Variants in MYO1B observed in about 807,000 individuals in gnomAD.
MYO1B encodes myosin IB.
In MYO1B, 72 loss-of-function variants were observed where a neutral mutation model predicts 159.7. That is an observed-to-expected ratio of 0.45 (90% CI 0.37 to 0.55). The LOEUF (loss-of-function observed/expected upper bound fraction) is 0.55, where lower values mean the gene tolerates loss of function less well. Among genes scored for constraint, MYO1B ranks in the 20% least tolerant of loss-of-function variants. The pLI is 0.00. For synonymous variants in MYO1B, 468 were observed against 473.8 expected, an observed-to-expected ratio of 0.99 and a Z score of 0.16; for missense variants, 1,062 against 1,364.8, an observed-to-expected ratio of 0.78 and a Z score of 3.50.
At chr2:191,383,134 C>A in intron 14 of MYO1B, 146 bp from the exon 15 acceptor site, 1 of 478,320 alleles carries the variant, frequency 2.1e-6, no homozygotes, top group Non-Finnish European at 3.7e-6. Context: ...TGGGAACTGC[C>A]TGTGACATTT....
Position 191,409,031 on chromosome 2 carries a change from C to A in MYO1B, c.2632-13C>A. 6.3e-7 allele frequency: 1 copy of A among 1,595,752 alleles called. No homozygotes were observed. The highest frequency in any genetic ancestry group is 1.2e-5 in the South Asian group (1 of 86,804). ...ATTTTCCTCATGTAGTATTTTCTGTCAACCCAACACAGGTGCAAAAATACT... is the reference window on the plus strand; with the variant it reads ...ATTTTCCTCATGTAGTATTTTCTGTAAACCCAACACAGGTGCAAAAATACT... On this transcript the variant is annotated splice_polypyrimidine_tract_variant and intron_variant, in intron 25 of 30. Coordinates refer to ENST00000392318, the MANE Select transcript of MYO1B (RefSeq NM_001130158.3).
intron 15 of MYO1B, among the ~76,000 whole-genome samples, chr2:191,383,885 C>T (rs184619705): frequency 4.6e-4 from 70 of 151,956 alleles, no homozygotes; most frequent in African/African-American, 1.5e-3. Flanking sequence ...TACTATTCAC[C>T]GGGTATTATA....
chr2:191,400,386 G>C lies in MYO1B; in HGVS notation c.2300G>C (p.Arg767Pro). ...IQSYIRGWKA[R>P]KILRELKHQK... ...TTGGGTGATTCTGCCCTTTAGGCTC[G>C]AAAAATTCTGCGGGAACTGAAGCAT... is the stretch of plus-strand genomic sequence containing the variant. Residue 767 changes from arginine to proline, a missense_variant, in exon 22 of 31, where the codon CGA (arginine) becomes CCA (proline). Physicochemically the swap from Arg to Pro is moderately radical, Grantham distance 103. Around this residue, in one of 5 missense-constraint regions of MYO1B, gnomAD observed 609 missense variants for 744.4 expected, o/e 0.82. Coordinates refer to ENST00000392318, the MANE Select transcript of MYO1B (RefSeq NM_001130158.3). The C allele has an allele frequency of 1.2e-6, 2 of 1,613,760 alleles. No homozygotes were observed. The highest frequency in any genetic ancestry group is 1.7e-6 in the Non-Finnish European group (2 of 1,179,978).
chr2:191,341,648 G>A, intron 5 of MYO1B, 83 bp downstream of exon 5: 1 of 1,071,912 alleles, frequency 9.3e-7, no homozygotes, highest in Non-Finnish European at 1.4e-6. Context: ...CTGGTCTGCT[G>A]GGAGGTATTC....
In MYO1B at chr2:191,408,119, G is replaced by A. The variant is rs766808258; in HGVS notation, c.2561G>A (p.Arg854His). 1.9e-6 allele frequency: 3 copies of A among 1,610,382 alleles called. No homozygotes were observed. Among genetic ancestry groups the A allele is most frequent in the Admixed American group, 3.3e-5 (2 of 60,000 alleles). Residue 854 changes from arginine (R) to histidine (H), a missense_variant, in exon 25 of 31, where the codon CGT becomes CAT. By Grantham distance (29) the Arg-to-His change is conservative. Around this residue, in one of 5 missense-constraint regions of MYO1B, gnomAD observed 609 missense variants for 744.4 expected, o/e 0.82. Coordinates refer to ENST00000392318, the MANE Select transcript of MYO1B (RefSeq NM_001130158.3). ...ACCTACATCTTCTTTTTAAAGGTAC[G>A]TAGAGAATACAGGAAATTCTTCAGA... ...IWAYWLGLKV[R>H]REYRKFFRAN...
intron 13 of MYO1B, among the ~76,000 whole-genome samples, chr2:191,377,098 C>G (rs186004235): frequency 2.0e-3 from 309 of 152,180 alleles, no homozygotes; most frequent in South Asian, 3.9e-3. Flanking sequence ...TTAAAAGAAG[C>G]CCTAGCGTTT....
chr2:191,291,036 G>A (rs566162238), intron 2 of MYO1B, among the ~76,000 whole-genome samples: 5 of 152,218 alleles, frequency 3.3e-5, no homozygotes, highest in East Asian at 3.9e-4. Context: ...ACCCCTGGCC[G>A]TTCCCTACAT....
At position 191,373,390 on chromosome 2, in the gene MYO1B, C is replaced by T. The variant is rs113301508; in HGVS notation, c.1185+3098C>T. Among the ~76,000 whole-genome samples, 598 of 152,282 alleles carry T rather than the reference C, an allele frequency of 3.9e-3. 3 individuals are homozygous for T. Among genetic ancestry groups the T allele is most frequent in the African/African-American group, 0.014 (573 of 41,548 alleles). ...GGTTGAGACCAAATGCTCTGTTAGA[C>T]AGTAGTCTCTGGAGTAAACTGCAGA... On this transcript the variant is annotated intron_variant, in intron 13 of 30. Transcript: ENST00000392318.
chr2:191,419,834 A>T (rs1697827463), intron 30 of MYO1B, among the ~76,000 whole-genome samples: 1 of 152,166 alleles, frequency 6.6e-6, no homozygotes, highest in Non-Finnish European at 1.5e-5. Context: ...AGCTTATAGA[A>T]TAAGGTTATA....
At chr2:191,318,662 T>C (rs1464834800) in intron 3 of MYO1B, among the ~76,000 whole-genome samples, 2 of 152,206 alleles carry the variant, frequency 1.3e-5, no homozygotes, top group East Asian at 3.8e-4. Context: ...TCCAAGTGTT[T>C]GCTTCTCTCA....
At chr2:191,331,168 G>A (rs1174951021) in intron 4 of MYO1B, among the ~76,000 whole-genome samples, 6 of 152,012 alleles carry the variant, frequency 3.9e-5, no homozygotes, top group South Asian at 2.1e-4. Flanking sequence ...TGGAGACACC[G>A]AGCACCATTG....
chr2:191,392,070 ACTC>A, intron 18 of MYO1B, 35 bp from the exon 19 acceptor site: 2 of 1,487,606 alleles, frequency 1.3e-6, no homozygotes, highest in Non-Finnish European at 1.9e-6. Flanking sequence ...TATTTTTGTA[ACTC>A]AGAAAACTCA....
At chr2:191,271,962 G>A (rs1007681074) in intron 1 of MYO1B, among the ~76,000 whole-genome samples, 1 of 152,176 alleles carries the variant, frequency 6.6e-6, no homozygotes, top group Non-Finnish European at 1.5e-5. Flanking sequence ...TTAAGTTTAC[G>A]TGGTAGGTCA....
chr2:191,414,089 A>G lies in MYO1B; in HGVS notation c.2915A>G (p.Lys972Arg). Reference sequence around the variant, plus strand: ...CAAGGGGCTTACCTGGAAATCAACAAGAACCCCAAGTATAAGAAACTCAAA... The same window carrying G: ...CAAGGGGCTTACCTGGAAATCAACAGGAACCCCAAGTATAAGAAACTCAAA... ...PFQGAYLEIN[K>R]NPKYKKLKDA... Residue 972 changes from lysine to arginine, a missense_variant, in exon 28 of 31, where the codon AAG becomes AGG. Lys to Arg is a conservative substitution (Grantham distance 26). Transcript: ENST00000392318. 6.2e-7 allele frequency: 1 copy of G among 1,613,302 alleles called. No individual in the cohort carries two copies. Among genetic ancestry groups the G allele is most frequent in the Non-Finnish European group, 8.5e-7 (1 of 1,179,660 alleles).
At chr2:191,396,218 ATTATT>A (rs1208633162) in intron 20 of MYO1B, among the ~76,000 whole-genome samples, 1 of 152,206 alleles carries the variant, frequency 6.6e-6, no homozygotes, top group Admixed American at 6.5e-5. Context: ...TCATTTAGGA[ATTATT>A]TTATTTAGCA....
At chr2:191,399,110 AC>A (rs1042119164) in intron 21 of MYO1B, among the ~76,000 whole-genome samples, 36 of 152,252 alleles carry the variant, frequency 2.4e-4, no homozygotes, top group Admixed American at 6.5e-4. Flanking sequence ...CCAAAAAAAA[AC>A]GAAAACCAGT....
intron 5 of MYO1B, among the ~76,000 whole-genome samples, chr2:191,344,656 C>T (rs569638587): frequency 6.6e-6 from 1 of 151,514 alleles, no homozygotes; most frequent in Non-Finnish European, 1.5e-5. Context: ...CGGTGAAACC[C>T]CGTCTCTACT....
chr2:191,400,331 C>G, intron 21 of MYO1B, 51 bp from the exon 22 acceptor site: 1 of 1,583,316 alleles, frequency 6.3e-7, no homozygotes, highest in Non-Finnish European at 8.7e-7. Flanking sequence ...AAGTCACTGT[C>G]AATTCCTTTA....
At chr2:191,313,173 T>C (rs955075772) in intron 3 of MYO1B, among the ~76,000 whole-genome samples, 9 of 148,886 alleles carry the variant, frequency 6.0e-5, no homozygotes, top group African/African-American at 2.0e-4. Flanking sequence ...ATTGTAGTTA[T>C]AATATCTGGC....
Sources: allele counts gnomAD v4.1 joint callset (sites outside exome capture counted in the v4.1 genomes callset), GRCh38; gene constraint gnomAD v4.1.1; regional missense constraint gnomAD v4.1.1; transcripts MANE v1.5; gene names NCBI Gene and HGNC (gene_info 2026-07-23, HGNC 2026-07-21).